Variants in MED28 observed in about 807,000 individuals in gnomAD.
MED28 encodes the protein mediator complex subunit 28.
A neutral mutation model predicts 21.3 loss-of-function variants in MED28; 26 were observed. The observed-to-expected ratio is 1.22, with a 90% CI of 0.89 to 1.69. The LOEUF is 1.69. Ranked by LOEUF, MED28 falls within the 40% of genes most tolerant of loss-of-function variation. The probability of loss-of-function intolerance (pLI) is 0.00; values close to 1 mark genes in which losing one functional copy is unlikely to be tolerated. For synonymous variants in MED28, 110 were observed against 87.6 expected (o/e 1.26, Z -1.43); for missense variants, 257 against 215.4 (o/e 1.19, Z -1.21).
rs749532094 is a variant in MED28 at position 17,628,957 on chromosome 4, G to A, written c.*5159G>A. ...AGTGTCTGTTCCCTGCAGAGGGATAGTGAGGAACTGATGAGGTGACTGTGA... is the reference window on the plus strand; with the variant it reads ...AGTGTCTGTTCCCTGCAGAGGGATAATGAGGAACTGATGAGGTGACTGTGA... On this transcript the variant is annotated 3_prime_UTR_variant, in exon 4 of 4. Coordinates refer to ENST00000237380, the MANE Select transcript of MED28 (RefSeq NM_025205.5). 1 of 152,432 alleles carries A rather than the reference G, an allele frequency of 6.6e-6. No individual in the cohort carries two copies. The highest frequency in any genetic ancestry group is 2.4e-5 in the African/African-American group (1 of 41,458). 9.4% of individuals were successfully genotyped at this position (152,432 alleles called of 1,614,324 possible).
chr4:17,619,821 G>A, intron 1 of MED28, 80 bp from the exon 2 acceptor site: 2 of 1,255,156 alleles, frequency 1.6e-6, no homozygotes, highest in Non-Finnish European at 2.3e-6. Context: ...ATGACTTCAG[G>A]AGAAGTTATT....
intron 2 of MED28, among the ~76,000 whole-genome samples, chr4:17,620,630 G>A (rs1449567483): frequency 4.0e-5 from 6 of 151,438 alleles, no homozygotes; most frequent in African/African-American, 1.5e-4. Context: ...ACCGTGCCCG[G>A]CCTTATATGT....
At position 17,623,804 on chromosome 4, in the gene MED28, G is replaced by A. The variant is rs184145795; in HGVS notation, c.*6G>A. ...CACCTCTGAAGCCAACGTGAGCAAA[G>A]GGCAGAGGCAGTTGGCCTATGAGTG... On this transcript the variant is annotated 3_prime_UTR_variant, in exon 4 of 4. Coordinates refer to ENST00000237380, the MANE Select transcript of MED28 (RefSeq NM_025205.5). 79 of 1,611,740 alleles carry A rather than the reference G, an allele frequency of 4.9e-5. No homozygotes were observed. Among genetic ancestry groups the A allele is most frequent in the Non-Finnish European group, 6.1e-5 (72 of 1,178,736 alleles).
chr4:17,621,070 A>G lies in MED28; in HGVS notation c.227-517A>G, dbSNP rs1714615298. Among the ~76,000 whole-genome samples, 2 of 138,228 alleles carry G rather than the reference A, an allele frequency of 1.4e-5. 1 individual carries two copies. The highest frequency in any genetic ancestry group is 4.5e-4 in the South Asian group (2 of 4,416). 90.7% of individuals were successfully genotyped at this position (138,228 alleles called of 152,430 possible). On this transcript the variant is annotated intron_variant, in intron 2 of 3. Transcript: ENST00000237380. ...TCACTCTGTCACCAGTCTGGAGTGC[A>G]GTGGCGCGATCTCGGCTCACTGCAA...
rs1161891876 is a variant in MED28, at chr4:17,629,334, A to G, written c.*5536A>G. Reference sequence around the variant, plus strand: ...TGACAGATACAGTAAGATGGTCCCTATCATAGTTCCATTTAATTTGCCAGC... The same window carrying G: ...TGACAGATACAGTAAGATGGTCCCTGTCATAGTTCCATTTAATTTGCCAGC... On this transcript the variant is annotated 3_prime_UTR_variant, in exon 4 of 4. Coordinates refer to ENST00000237380, the MANE Select transcript of MED28 (RefSeq NM_025205.5). 6.6e-6 allele frequency: 1 copy of G among 152,206 alleles called. No individual in the cohort carries two copies. Among genetic ancestry groups the G allele is most frequent in the African/African-American group, 2.4e-5 (1 of 41,446 alleles). 9.4% of individuals were successfully genotyped at this position (152,206 alleles called of 1,614,324 possible).
intron 1 of MED28, among the ~76,000 whole-genome samples, chr4:17,617,874 C>G (rs1714494531): frequency 1.3e-5 from 2 of 151,892 alleles, no homozygotes; most frequent in Admixed American, 6.6e-5. Context: ...GCCACTGACT[C>G]TAGCCTGGGC....
intron 3 of MED28, among the ~76,000 whole-genome samples, chr4:17,622,110 G>C (rs980434079): frequency 1.3e-5 from 2 of 152,196 alleles, no homozygotes; most frequent in Non-Finnish European, 2.9e-5. Context: ...TTCGACCCAG[G>C]TTCCTGGAAA....
In MED28 at chr4:17,621,617, A is replaced by T; in HGVS notation, c.257A>T (p.Asp86Val). The T allele has an allele frequency of 6.2e-7, 1 of 1,607,750 alleles. No homozygotes were observed. Among genetic ancestry groups the T allele is most frequent in the South Asian group, 1.1e-5 (1 of 87,698 alleles). The change falls in exon 3 of 4, where the codon GAT becomes GTT. Residue 86 changes from aspartate (D) to valine (V), a missense_variant. Asp to Val is a radical substitution (Grantham distance 152, BLOSUM62 -3). Coordinates refer to ENST00000237380, the MANE Select transcript of MED28 (RefSeq NM_025205.5). ...GVDQCIQKFL[D>V]IARQTECFFL... The stretch of plus-strand genomic sequence containing the variant: ...GATCAGTGTATCCAGAAGTTTCTGG[A>T]TATTGCAAGACAGACAGAATGTTTT...
In MED28 at chr4:17,631,024, GTTA is replaced by G. The variant is rs1256938519; in HGVS notation, c.*7229_*7231del. The G allele has an allele frequency of 1.2e-4, 18 of 152,200 alleles. 1 individual carries two copies. The highest frequency in any genetic ancestry group is 1.5e-5 in the Non-Finnish European group (1 of 68,036). 9.4% of individuals were successfully genotyped at this position (152,200 alleles called of 1,614,324 possible). ...AAAAATATTTTGCCCCCTAAAAGTT[GTTA>G]TTGAGTCTTGTCAAATCACATTGCT... is the stretch of plus-strand genomic sequence containing the variant. On this transcript the variant is annotated 3_prime_UTR_variant, in exon 4 of 4. Transcript: ENST00000237380.
rs1204556317 is a variant in MED28, at chr4:17,625,135, T to C, written c.*1337T>C. 2.0e-5 allele frequency: 3 copies of C among 152,596 alleles called. No homozygotes were observed. Among genetic ancestry groups the C allele is most frequent in the African/African-American group, 7.2e-5 (3 of 41,434 alleles). 9.5% of individuals were successfully genotyped at this position (152,596 alleles called of 1,614,324 possible). On this transcript the variant is annotated 3_prime_UTR_variant, in exon 4 of 4. Transcript: ENST00000237380. ...GTTGCATCCCCAGGGCACAGGACTT[T>C]GATCTCTTCTGTTGCCCTCGCTAGG...
chr4:17,624,644 T>G lies in MED28; in HGVS notation c.*846T>G, dbSNP rs1714726088. ...GTCTCTTTCTGTTTTGAGTTTTGTT[T>G]GCGTGTATCATTTTTGTTCTACATT... On this transcript the variant is annotated 3_prime_UTR_variant, in exon 4 of 4. Coordinates refer to ENST00000237380, the MANE Select transcript of MED28 (RefSeq NM_025205.5). 2 of 152,062 alleles carry G rather than the reference T, an allele frequency of 1.3e-5. No individual in the cohort carries two copies. Among genetic ancestry groups the G allele is most frequent in the Non-Finnish European group, 2.9e-5 (2 of 68,022 alleles). 9.4% of individuals were successfully genotyped at this position (152,062 alleles called of 1,614,324 possible). A position where few individuals can be genotyped will look rare whatever the true frequency, so the allele number is the denominator to read the frequency against.
intron 2 of MED28, among the ~76,000 whole-genome samples, chr4:17,620,530 G>A (rs1026831865): frequency 1.3e-5 from 2 of 151,930 alleles, no homozygotes; most frequent in Non-Finnish European, 2.9e-5. Context: ...ACGGGGTTTC[G>A]CCATGTTGGC....
intron 1 of MED28, among the ~76,000 whole-genome samples, chr4:17,618,719 TGTTA>T (rs1037355159): frequency 4.0e-5 from 5 of 123,782 alleles, no homozygotes; most frequent in African/African-American, 1.2e-4. Flanking sequence ...GGCTTCACCG[TGTTA>T]GTTAGGATGG....
chr4:17,632,759 T>TAGTAGTGGGAAACAAATTGTAA lies in MED28; in HGVS notation c.*8964_*8985dup, dbSNP rs1287570758. 1 of 597,764 alleles carries TAGTAGTGGGAAACAAATTGTAA rather than the reference T, an allele frequency of 1.7e-6. No individual in the cohort carries two copies. The highest frequency in any genetic ancestry group is 3.0e-5 in the East Asian group (1 of 33,156). The allele number at this position is 597,764 out of a possible 1,614,324, so 37.0% of individuals were successfully genotyped here. ...ACACCCAAATGGGACTGGCCAACAT[T>TAGTAGTGGGAAACAAATTGTAA]AGTAGTGGGAAACAAATTGTAAAGG... is the stretch of plus-strand genomic sequence containing the variant. On this transcript the variant is annotated 3_prime_UTR_variant, in exon 4 of 4. Transcript: ENST00000237380.
Position 17,633,831 on chromosome 4 carries a change from A to AGGAGGCGAGGTTCG in MED28, c.*10035_*10048dup. On this transcript the variant is annotated 3_prime_UTR_variant, in exon 4 of 4. Transcript: ENST00000237380. ...TCGCCACTCAGAAAGTTCTTTGCAT[A>AGGAGGCGAGGTTCG]GGAGGCGAGGTTCGGCACGCTGACC... 1 of 1,551,508 alleles carries AGGAGGCGAGGTTCG rather than the reference A, an allele frequency of 6.4e-7. No homozygotes were observed. Among genetic ancestry groups the AGGAGGCGAGGTTCG allele is most frequent in the African/African-American group, 1.4e-5 (1 of 73,160 alleles).
Position 17,626,053 on chromosome 4 carries a change from C to T in MED28, c.*2255C>T, listed in dbSNP as rs12505273. 10,291 of 154,888 alleles carry T rather than the reference C, an allele frequency of 0.066. 879 individuals are homozygous for T. Among genetic ancestry groups the T allele is most frequent in the African/African-American group, 0.2 (8,293 of 41,542 alleles). The allele number at this position is 154,888 out of a possible 1,614,324, so 9.6% of individuals were successfully genotyped here. On this transcript the variant is annotated 3_prime_UTR_variant, in exon 4 of 4. Coordinates refer to ENST00000237380, the MANE Select transcript of MED28 (RefSeq NM_025205.5). ...AATAGGGATAAGACTAGGACCTATTCCCCAGGATTACTTCTGCAGATTAAA... is the reference window on the plus strand; with the variant it reads ...AATAGGGATAAGACTAGGACCTATTTCCCAGGATTACTTCTGCAGATTAAA...
intron 3 of MED28, among the ~76,000 whole-genome samples, chr4:17,622,427 A>T (rs866782483): frequency 6.6e-6 from 1 of 152,228 alleles, no homozygotes; most frequent in Admixed American, 6.5e-5. Flanking sequence ...ATCATGTCAG[A>T]TCATTTCCTG....
At chr4:17,620,725 T>C (rs1390429425) in intron 2 of MED28, among the ~76,000 whole-genome samples, 1 of 148,074 alleles carries the variant, frequency 6.8e-6, no homozygotes, top group Admixed American at 6.8e-5. Flanking sequence ...GAGACAGAGT[T>C]CTTGCTCTCT....
rs537671533 is a variant in MED28 at position 17,615,387 on chromosome 4, T to C, written c.159+574T>C. 2.6e-5 allele frequency among the ~76,000 whole-genome samples: 4 copies of C among 152,242 alleles called. No individual in the cohort carries two copies. In the South Asian group the frequency reaches 8.3e-4, roughly 32 times the overall value. On this transcript the variant is annotated intron_variant, in intron 1 of 3. Coordinates refer to ENST00000237380, the MANE Select transcript of MED28 (RefSeq NM_025205.5). The stretch of plus-strand genomic sequence containing the variant: ...TGTAGCAAGAAAGGTGAACTGTATA[T>C]TGAGGGAAGATAGAGAGGTGAAAAT...
Sources: allele counts gnomAD v4.1 joint callset (sites outside exome capture counted in the v4.1 genomes callset), GRCh38; gene constraint gnomAD v4.1.1; transcripts MANE v1.5; gene names NCBI Gene and HGNC (gene_info 2026-07-23, HGNC 2026-07-21).